OTULIN: variants seen among roughly 807,000 people sequenced by gnomAD.
OTULIN encodes the protein OTU deubiquitinase with linear linkage specificity, also known as ubiquitin thioesterase otulin.
In OTULIN, 15 loss-of-function variants were observed where a neutral mutation model predicts 39.6. The observed-to-expected ratio is 0.38, with a 90% CI of 0.25 to 0.58. The LOEUF (loss-of-function observed/expected upper bound fraction) is 0.58, where lower values mean the gene tolerates loss of function less well. Among genes scored for constraint, OTULIN ranks in the 20% least tolerant of loss-of-function variants. OTULIN has a pLI of 0.66. For missense variants in OTULIN, 319 were observed against 445.9 expected (o/e 0.72, Z 2.56); for synonymous variants, 156 against 170.3 (o/e 0.92, Z 0.65).
Position 14,690,338 on chromosome 5 carries a change from C to G in OTULIN, c.864+30C>G, listed in dbSNP as rs1736493631. On this transcript the variant is annotated intron_variant, in intron 6 of 6. Transcript: ENST00000284274. This position sits in a 1 kb window ranked among gnomAD's most constrained non-coding sequence, Gnocchi z 4.5. ...GTTGTGCTTTTGAGCATGTATTACC[C>G]CAAAATAAAGCAGCTTTACTGATCA... The G allele has an allele frequency of 1.9e-6, 3 of 1,600,324 alleles. No homozygotes were observed. In the African/African-American group the frequency reaches 4.0e-5, roughly 22 times the overall value.
chr5:14,701,542 A>G (rs1736796239), downstream of OTULIN, among the ~76,000 whole-genome samples: 1 of 151,828 alleles, frequency 6.6e-6, no homozygotes, highest in African/African-American at 2.4e-5. Context: ...GAGTATTACA[A>G]CCCCCTGCCC....
chr5:14,674,726 A>G (rs775888862), intron 2 of OTULIN, among the ~76,000 whole-genome samples: 6 of 152,106 alleles, frequency 3.9e-5, no homozygotes, highest in African/African-American at 7.2e-5. Context: ...CTGCACTCCA[A>G]CCTGGGTAAC....
Position 14,664,728 on chromosome 5 carries a change from C to T in OTULIN, c.-98C>T, listed in dbSNP as rs1204673659. On this transcript the variant is annotated 5_prime_UTR_variant, in exon 1 of 7. Transcript: ENST00000284274. ...GCTCTGCGGGCCCTCGGAAACCGCCCCGGCGGCTGAGAGGCTGCGGCCACT... is the reference window on the plus strand; with the variant it reads ...GCTCTGCGGGCCCTCGGAAACCGCCTCGGCGGCTGAGAGGCTGCGGCCACT... 2 of 1,072,134 alleles carry T rather than the reference C, an allele frequency of 1.9e-6. No individual in the cohort carries two copies. The highest frequency in any genetic ancestry group is 5.6e-5 in the East Asian group (1 of 17,824). 66.4% of individuals were successfully genotyped at this position (1,072,134 alleles called of 1,614,324 possible).
At chr5:14,705,339 GGT>G in the OTULIN span, 1 of 152,080 alleles carries the variant, frequency 6.6e-6, no homozygotes, top group Non-Finnish European at 1.5e-5. Context: ...TGAAGAATGA[GGT>G]GATTTTATTC....
Position 14,698,370 on chromosome 5 carries a change from C to T in OTULIN, c.*5322C>T, listed in dbSNP as rs2126357279. 6.6e-6 allele frequency: 1 copy of T among 152,374 alleles called. No homozygotes were observed. Among genetic ancestry groups the T allele is most frequent in the Middle Eastern group, 3.4e-3 (1 of 294 alleles). The allele number at this position is 152,374 out of a possible 1,614,324, so 9.4% of individuals were successfully genotyped here. On this transcript the variant is annotated 3_prime_UTR_variant, in exon 7 of 7. Transcript: ENST00000284274. ...GCATGTGTCCAAAATTTCGCCTGCT[C>T]TGAAAAACATGCCCCCGAGGCTCTG...
intron 1 of OTULIN, among the ~76,000 whole-genome samples, chr5:14,666,228 G>C (rs892289275): frequency 6.6e-6 from 1 of 152,210 alleles, no homozygotes; most frequent in African/African-American, 2.4e-5. Flanking sequence ...GCCAGACCAT[G>C]TTCTCAGAAG....
chr5:14,711,767 C>T, the OTULIN span, among the ~76,000 whole-genome samples: 6 of 152,254 alleles, frequency 3.9e-5, no homozygotes, highest in Non-Finnish European at 8.8e-5. Flanking sequence ...TTCTCTCCCA[C>T]TTACTGCCTG....
At chr5:14,679,234 T>C (rs1398059202) in intron 3 of OTULIN, among the ~76,000 whole-genome samples, 3 of 152,158 alleles carry the variant, frequency 2.0e-5, no homozygotes, top group Admixed American at 2.0e-4. Flanking sequence ...CAGGAACTGC[T>C]CCCTTCAAGA....
rs193301946 is a variant in OTULIN at position 14,685,089 on chromosome 5, G to A, written c.469-2432G>A. ...GTGGGACAACACTTTGGTTCCTGAG[G>A]AGGGTACCCTTTAGAGTTTGGTTTC... On this transcript the variant is annotated intron_variant, in intron 4 of 6. Coordinates refer to ENST00000284274, the MANE Select transcript of OTULIN (RefSeq NM_138348.6). Among the ~76,000 whole-genome samples, 1,007 of 152,348 alleles carry A rather than the reference G, an allele frequency of 6.6e-3. 40 individuals are homozygous for A. Among genetic ancestry groups the A allele is most frequent in the Admixed American group, 0.059 (898 of 15,302 alleles).
the OTULIN span, chr5:14,706,942 G>A: frequency 6.6e-6 from 1 of 152,228 alleles, no homozygotes; most frequent in African/African-American, 2.4e-5. Flanking sequence ...CCGGCTGAAT[G>A]TGCAATGCAG....
In OTULIN at chr5:14,696,711, A is replaced by T. The variant is rs1736679604; in HGVS notation, c.*3663A>T. 6.6e-6 allele frequency: 1 copy of T among 152,244 alleles called. No homozygotes were observed. The highest frequency in any genetic ancestry group is 1.5e-5 in the Non-Finnish European group (1 of 68,050). 9.4% of individuals were successfully genotyped at this position (152,244 alleles called of 1,614,324 possible). On this transcript the variant is annotated 3_prime_UTR_variant, in exon 7 of 7. Transcript: ENST00000284274. Reference sequence around the variant, plus strand: ...TGAATGAATGGAAGGCCTTACGTGTATACAGTTTACAAATTCCTATTTCTA... The same window carrying T: ...TGAATGAATGGAAGGCCTTACGTGTTTACAGTTTACAAATTCCTATTTCTA...
rs1194184247 is a variant in OTULIN at position 14,664,924 on chromosome 5, G to A, written c.99G>A (p.Gly33=). Residue 33 remains glycine, a synonymous_variant, in exon 1 of 7, where the codon GGG becomes GGA. Transcript: ENST00000284274. Reference sequence around the variant, plus strand: ...CGGCGGCCACGGCGCGGGACGGCGGGAAGGCGGCGGCCAGCGGGCAGCCGC... The same window carrying A: ...CGGCGGCCACGGCGCGGGACGGCGGAAAGGCGGCGGCCAGCGGGCAGCCGC... ...REAAATARDG[G]KAAASGQPRP... 15 of 1,171,610 alleles carry A rather than the reference G, an allele frequency of 1.3e-5. No individual in the cohort carries two copies. The highest frequency in any genetic ancestry group is 1.5e-5 in the Non-Finnish European group (14 of 949,934). 72.6% of individuals were successfully genotyped at this position (1,171,610 alleles called of 1,614,324 possible).
At chr5:14,701,372 A>G (rs1021651446), downstream of OTULIN, among the ~76,000 whole-genome samples, 5 of 152,162 alleles carry the variant, frequency 3.3e-5, no homozygotes, top group Admixed American at 1.3e-4. Flanking sequence ...TTGTTGATCT[A>G]TGAGGCCAGG....
intron 1 of OTULIN, among the ~76,000 whole-genome samples, chr5:14,668,251 T>TGG (rs1263199545): frequency 6.6e-6 from 1 of 152,156 alleles, no homozygotes; most frequent in Non-Finnish European, 1.5e-5. Flanking sequence ...AAGTCCACTT[T>TGG]CTCCCAACCT....
the OTULIN span, chr5:14,705,767 G>T: frequency 6.5e-6 from 1 of 152,810 alleles, no homozygotes; most frequent in African/African-American, 2.4e-5. Context: ...TGGGGTGCTG[G>T]GTGATTGGTG....
intron 5 of OTULIN, among the ~76,000 whole-genome samples, chr5:14,688,782 G>A (rs554053921): frequency 2.0e-5 from 3 of 152,228 alleles, no homozygotes; most frequent in Middle Eastern, 3.4e-3. Context: ...CTGACGGCAG[G>A]GCTGTAGCCC....
rs555458792 is a variant in OTULIN, at chr5:14,683,021, C to T, written c.468+1414C>T. Among the ~76,000 whole-genome samples, 170 of 152,290 alleles carry T rather than the reference C, an allele frequency of 1.1e-3. 2 individuals carry two copies. Among genetic ancestry groups the T allele is most frequent in the Non-Finnish European group, 4.0e-4 (27 of 68,028 alleles). ...TTAGGTGGATGAGAGATCACACGCT[C>T]AGAAGGGCAAAACCAGGATTGATGG... On this transcript the variant is annotated intron_variant, in intron 4 of 6. Coordinates refer to ENST00000284274, the MANE Select transcript of OTULIN (RefSeq NM_138348.6).
In OTULIN at chr5:14,664,990, G is replaced by C; in HGVS notation, c.152+13G>C. On this transcript the variant is annotated intron_variant, in intron 1 of 6. Transcript: ENST00000284274. ...GCCCGGCCGAGCAGTGAGTCCGCGGGGGCGCGGGGCGCGGGCCGTGGGCGG... is the reference window on the plus strand; with the variant it reads ...GCCCGGCCGAGCAGTGAGTCCGCGGCGGCGCGGGGCGCGGGCCGTGGGCGG... The C allele has an allele frequency of 9.6e-7, 1 of 1,040,592 alleles. No homozygotes were observed. Among genetic ancestry groups the C allele is most frequent in the South Asian group, 4.4e-5 (1 of 22,718 alleles). 64.5% of individuals were successfully genotyped at this position (1,040,592 alleles called of 1,614,324 possible).
chr5:14,690,361 T>C lies in OTULIN; in HGVS notation c.864+53T>C. ...CCCCAAAATAAAGCAGCTTTACTGATCAAACTTGATGTCACAGTTTTTGTA... is the reference window on the plus strand; with the variant it reads ...CCCCAAAATAAAGCAGCTTTACTGACCAAACTTGATGTCACAGTTTTTGTA... On this transcript the variant is annotated intron_variant, in intron 6 of 6. Transcript: ENST00000284274. This position sits in a 1 kb window ranked among gnomAD's most constrained non-coding sequence, Gnocchi z 4.5. 1 of 1,576,542 alleles carries C rather than the reference T, an allele frequency of 6.3e-7. No homozygotes were observed. Among genetic ancestry groups the C allele is most frequent in the Non-Finnish European group, 8.6e-7 (1 of 1,161,768 alleles).
Sources: allele counts gnomAD v4.1 joint callset (sites outside exome capture counted in the v4.1 genomes callset), GRCh38; gene constraint gnomAD v4.1.1; non-coding constraint Gnocchi (gnomAD v3.1); transcripts MANE v1.5; gene names NCBI Gene and HGNC (gene_info 2026-07-23, HGNC 2026-07-21).